PTH2R: variants seen among roughly 807,000 people sequenced by gnomAD.
The protein encoded by PTH2R is parathyroid hormone 2 receptor.
PTH2R carries 59 observed loss-of-function variants against 60.3 expected under a neutral mutation model. The ratio of observed to expected loss-of-function variants is 0.98; its 90% CI spans 0.79 to 1.22. The LOEUF (loss-of-function observed/expected upper bound fraction) is 1.22. Ranked by LOEUF, PTH2R falls within the 50% of genes most tolerant of loss-of-function variation. PTH2R has a pLI of 0.00. For missense variants in PTH2R, 749 were observed against 682.6 expected, an observed-to-expected ratio of 1.10 and a Z score of -1.08; for synonymous variants, 256 against 243.8, an observed-to-expected ratio of 1.05 and a Z score of -0.47.
At chr2:208,487,187 A>G (rs1703292581) in intron 10 of PTH2R, among the ~76,000 whole-genome samples, 1 of 152,200 alleles carries the variant, frequency 6.6e-6, no homozygotes, top group Non-Finnish European at 1.5e-5. Context: ...AGAATATTAT[A>G]GCTCATATGG....
chr2:208,444,647 T>C, intron 6 of PTH2R, 87 bp from the exon 7 acceptor site: 1 of 1,328,902 alleles, frequency 7.5e-7, no homozygotes, highest in Non-Finnish European at 1.0e-6. Flanking sequence ...AAAAAGAAAC[T>C]GAAGACTTGT....
chr2:208,484,005 GTTAA>G (rs1477639031), intron 10 of PTH2R, among the ~76,000 whole-genome samples: 3 of 152,094 alleles, frequency 2.0e-5, no homozygotes, highest in African/African-American at 4.8e-5. Flanking sequence ...TACGATAAGG[GTTAA>G]TTAAGTATTT....
At chr2:208,483,119 T>G (rs1333696272) in intron 10 of PTH2R, among the ~76,000 whole-genome samples, 1 of 152,218 alleles carries the variant, frequency 6.6e-6, no homozygotes, top group African/African-American at 2.4e-5. Flanking sequence ...CTGCAAAGAC[T>G]ACAGGTATGA....
intron 1 of PTH2R, among the ~76,000 whole-genome samples, chr2:208,376,760 T>C (rs951543800): frequency 1.3e-5 from 2 of 152,130 alleles, no homozygotes; most frequent in Non-Finnish European, 2.9e-5. Context: ...TTCCTATATG[T>C]GGGCTCTATT....
At chr2:208,477,015 G>A (rs1422784184) in intron 9 of PTH2R, among the ~76,000 whole-genome samples, 1 of 152,166 alleles carries the variant, frequency 6.6e-6, no homozygotes, top group Non-Finnish European at 1.5e-5. Context: ...ATGCCTAGAA[G>A]TGAAAATTCT....
At chr2:208,448,860 A>G (rs1333904958) in intron 7 of PTH2R, among the ~76,000 whole-genome samples, 2 of 151,920 alleles carry the variant, frequency 1.3e-5, no homozygotes, top group African/African-American at 2.4e-5. Flanking sequence ...TCATTCTTCC[A>G]TGGTAGTCTC....
At chr2:208,470,126 T>A (rs1399482057) in intron 9 of PTH2R, among the ~76,000 whole-genome samples, 1 of 152,240 alleles carries the variant, frequency 6.6e-6, no homozygotes, top group East Asian at 1.9e-4. Context: ...TGGGTACTTA[T>A]GAAAGGGCCT....
At chr2:208,433,904 C>T (rs951224870) in intron 2 of PTH2R, among the ~76,000 whole-genome samples, 3 of 152,136 alleles carry the variant, frequency 2.0e-5, no homozygotes, top group Admixed American at 6.5e-5. Flanking sequence ...ATTAATGGTG[C>T]TAATTTATAA....
chr2:208,467,674 G>A (rs1456820519), intron 9 of PTH2R, among the ~76,000 whole-genome samples: 1 of 152,142 alleles, frequency 6.6e-6, no homozygotes, highest in African/African-American at 2.4e-5. Flanking sequence ...TCAGGAGGAA[G>A]TTTTGCAACT....
intron 12 of PTH2R, among the ~76,000 whole-genome samples, chr2:208,492,683 T>C (rs1480254185): frequency 6.6e-6 from 1 of 152,138 alleles, no homozygotes; most frequent in Admixed American, 6.5e-5. Flanking sequence ...TGAACCTTTT[T>C]AGTAAATGCC....
intron 1 of PTH2R, among the ~76,000 whole-genome samples, chr2:208,361,596 C>T (rs1029371733): frequency 2.0e-5 from 3 of 152,126 alleles, no homozygotes; most frequent in African/African-American, 7.2e-5. Flanking sequence ...CCTCTTTCCC[C>T]CTACTCCCAA....
intron 1 of PTH2R, among the ~76,000 whole-genome samples, chr2:208,407,750 C>CT (rs554347754): frequency 1.3e-3 from 197 of 150,002 alleles, no homozygotes; most frequent in Admixed American, 2.1e-3. Flanking sequence ...TTCATACGCA[C>CT]TTTTTTTTTT....
intron 2 of PTH2R, among the ~76,000 whole-genome samples, chr2:208,428,887 C>T (rs555027773): frequency 3.9e-5 from 6 of 152,244 alleles, no homozygotes; most frequent in African/African-American, 1.4e-4. Context: ...GAGCTCCAGA[C>T]CAGCGTGGCC....
intron 1 of PTH2R, among the ~76,000 whole-genome samples, chr2:208,378,299 T>G: frequency 6.7e-6 from 1 of 149,272 alleles, no homozygotes; most frequent in African/African-American, 2.5e-5. Context: ...GGCAGGGAGG[T>G]TGCAGTGAGC....
intron 1 of PTH2R, among the ~76,000 whole-genome samples, chr2:208,393,392 G>A (rs989740673): frequency 1.3e-5 from 2 of 152,196 alleles, no homozygotes; most frequent in Admixed American, 1.3e-4. Flanking sequence ...AGCATGGACA[G>A]TTTAGAGTAA....
At chr2:208,365,802 A>T (rs1463327059) in intron 1 of PTH2R, among the ~76,000 whole-genome samples, 1 of 144,800 alleles carries the variant, frequency 6.9e-6, no homozygotes, top group Non-Finnish European at 1.5e-5. Flanking sequence ...GCAGCGGCAC[A>T]ATCATAGCTC....
intron 1 of PTH2R, among the ~76,000 whole-genome samples, chr2:208,411,525 C>T (rs1701539584): frequency 6.6e-6 from 1 of 152,172 alleles, no homozygotes; most frequent in Non-Finnish European, 1.5e-5. Context: ...GTGGCTCTTC[C>T]TTGCCAATGC....
chr2:208,438,629 G>A (rs1010967670), intron 4 of PTH2R, among the ~76,000 whole-genome samples: 1 of 152,126 alleles, frequency 6.6e-6, no homozygotes, highest in African/African-American at 2.4e-5. Context: ...CTTAGACCTC[G>A]TGAGTAAAAA....
At position 208,443,469 on chromosome 2, in the gene PTH2R, G is replaced by A; in HGVS notation, c.631G>A (p.Glu211Lys). 6.2e-7 allele frequency: 1 copy of A among 1,613,880 alleles called. No individual in the cohort carries two copies. Among genetic ancestry groups the A allele is most frequent in the Non-Finnish European group, 8.5e-7 (1 of 1,179,910 alleles). The change falls in exon 6 of 13, where the codon GAG becomes AAG. Residue 211 changes from glutamate to lysine, a missense_variant. By Grantham distance (56) the Glu-to-Lys change is moderately conservative. Coordinates refer to ENST00000272847, the MANE Select transcript of PTH2R (RefSeq NM_005048.4). ...TGCTCACATAGGAGTAAAGGAGCTG[G>A]AGTCCCTAATAATGCAGGATGACCC... ...VHAHIGVKELESLIMQDDPQN... is the reference protein window; with the variant it reads ...VHAHIGVKELKSLIMQDDPQN...
Sources: allele counts gnomAD v4.1 joint callset (sites outside exome capture counted in the v4.1 genomes callset), GRCh38; gene constraint gnomAD v4.1.1; transcripts MANE v1.5; gene names NCBI Gene and HGNC (gene_info 2026-07-23, HGNC 2026-07-21).